The following KIF26B variants were observed in gnomAD, a reference collection of about 807,000 sequenced individuals.
The protein encoded by KIF26B is kinesin-like protein KIF26B.
A neutral mutation model predicts 151.2 loss-of-function variants in KIF26B; 63 were observed. The ratio of observed to expected loss-of-function variants is 0.42; its 90% CI spans 0.34 to 0.51. The LOEUF (loss-of-function observed/expected upper bound fraction) is 0.51. KIF26B is among the 20% of genes least tolerant of loss of function. The pLI is 0.07. For missense variants in KIF26B, 2,813 were observed against 2,913.6 expected (o/e 0.97, Z 0.79); for synonymous variants, 1,357 against 1,262.1 (o/e 1.08, Z -1.59).
At chr1:245,535,284 A>G (rs1433128518) in intron 4 of KIF26B, among the ~76,000 whole-genome samples, 1 of 152,232 alleles carries the variant, frequency 6.6e-6, no homozygotes, top group Non-Finnish European at 1.5e-5. Context: ...GATGTCAAAG[A>G]TAAAATGCTA....
intron 12 of KIF26B, among the ~76,000 whole-genome samples, chr1:245,690,292 G>A (rs2044607573): frequency 6.6e-6 from 1 of 152,312 alleles, no homozygotes; most frequent in East Asian, 1.9e-4. Context: ...CCCTCCCGCT[G>A]CCCTTCTGTG....
intron 3 of KIF26B, among the ~76,000 whole-genome samples, chr1:245,415,093 C>T (rs1163922192): frequency 3.3e-5 from 5 of 152,124 alleles, no homozygotes; most frequent in African/African-American, 1.2e-4. Flanking sequence ...AATGTTGTTT[C>T]CAATGTGCCT....
intron 5 of KIF26B, among the ~76,000 whole-genome samples, chr1:245,567,702 C>T (rs2043023212): frequency 6.6e-6 from 1 of 152,178 alleles, no homozygotes; most frequent in Non-Finnish European, 1.5e-5. Context: ...CCAAATGACT[C>T]CCATGAGCAG....
At chr1:245,657,164 A>G (rs911515625) in intron 10 of KIF26B, among the ~76,000 whole-genome samples, 19 of 152,116 alleles carry the variant, frequency 1.2e-4, no homozygotes, top group African/African-American at 4.6e-4. Flanking sequence ...TAGATTTGGC[A>G]GCCTCCCATT....
intron 3 of KIF26B, among the ~76,000 whole-genome samples, chr1:245,369,214 A>G (rs990783827): frequency 1.3e-5 from 2 of 151,982 alleles, no homozygotes; most frequent in African/African-American, 4.8e-5. Flanking sequence ...AGACAGACAG[A>G]CAGTTTAGTC....
chr1:245,587,671 C>A (rs1363148524), intron 5 of KIF26B, among the ~76,000 whole-genome samples: 2 of 152,188 alleles, frequency 1.3e-5, no homozygotes, highest in Admixed American at 1.3e-4. Context: ...GTAGGTTCAC[C>A]TTGAAGGCAA....
At chr1:245,681,499 G>A (rs757983319) in intron 10 of KIF26B, among the ~76,000 whole-genome samples, 29 of 152,106 alleles carry the variant, frequency 1.9e-4, no homozygotes, top group African/African-American at 4.1e-4. Context: ...ATGAGCCACC[G>A]CGCCCGGCCG....
intron 2 of KIF26B, among the ~76,000 whole-genome samples, chr1:245,308,807 G>A (rs986142458): frequency 6.6e-6 from 1 of 152,212 alleles, no homozygotes; most frequent in African/African-American, 2.4e-5. Flanking sequence ...AAGGTTAAGG[G>A]AAGATGAGGA....
At chr1:245,531,036 G>A (rs1661346681) in intron 4 of KIF26B, among the ~76,000 whole-genome samples, 1 of 152,138 alleles carries the variant, frequency 6.6e-6, no homozygotes, top group South Asian at 2.1e-4. Flanking sequence ...TCTTGTGGTG[G>A]TAGTAGTTGT....
At chr1:245,642,292 G>C (rs1196613452) in intron 9 of KIF26B, among the ~76,000 whole-genome samples, 1 of 152,106 alleles carries the variant, frequency 6.6e-6, no homozygotes, top group Non-Finnish European at 1.5e-5. Flanking sequence ...GAGGCTGATG[G>C]GCCTTTCTCA....
At position 245,601,138 on chromosome 1, in the gene KIF26B, T is replaced by C. The variant is rs1355087267; in HGVS notation, c.1351-1439T>C. On this transcript the variant is annotated intron_variant, in intron 5 of 14. Transcript: ENST00000407071. The surrounding 1 kb of genome is among the most constrained non-coding windows in gnomAD (Gnocchi z 4.4). ...TATGACCTCAGTGTGAGAAGCAAGATCTAAACCCTCAGAGGTAGAGTGCGT... is the reference window on the plus strand; with the variant it reads ...TATGACCTCAGTGTGAGAAGCAAGACCTAAACCCTCAGAGGTAGAGTGCGT... 6.6e-6 allele frequency among the ~76,000 whole-genome samples: 1 copy of C among 152,154 alleles called. No individual in the cohort carries two copies. Among genetic ancestry groups the C allele is most frequent in the Non-Finnish European group, 1.5e-5 (1 of 68,026 alleles).
At chr1:245,648,282 ATTATTT>A (rs1243680899) in intron 10 of KIF26B, among the ~76,000 whole-genome samples, 1 of 152,226 alleles carries the variant, frequency 6.6e-6, no homozygotes, top group African/African-American at 2.4e-5. Flanking sequence ...TAAACATGAA[ATTATTT>A]TTAATTTAAA....
chr1:245,547,045 A>T (rs138883458), intron 5 of KIF26B, among the ~76,000 whole-genome samples: 1 of 152,184 alleles, frequency 6.6e-6, no homozygotes, highest in Admixed American at 6.5e-5. Flanking sequence ...GCCTCTGGAC[A>T]GCACATGCGC....
At chr1:245,464,735 CTGA>C (rs1360924224) in intron 4 of KIF26B, among the ~76,000 whole-genome samples, 1 of 151,942 alleles carries the variant, frequency 6.6e-6, no homozygotes, top group Non-Finnish European at 1.5e-5. Flanking sequence ...TTTGACTGGA[CTGA>C]GGTTGTGGTA....
chr1:245,256,461 T>C (rs115685285), intron 2 of KIF26B, among the ~76,000 whole-genome samples: 2,057 of 152,288 alleles, frequency 0.014, 38 homozygotes, highest in African/African-American at 0.037. Context: ...GGTTAGCCCT[T>C]GAGGGCTGCA....
At chr1:245,277,949 G>A (rs9660396) in intron 2 of KIF26B, among the ~76,000 whole-genome samples, 32,093 of 151,884 alleles carry the variant, frequency 0.21, 3,648 homozygotes, top group African/African-American at 0.26. Flanking sequence ...AAATAATTTC[G>A]TCATAGGCTG....
At chr1:245,523,735 C>G (rs1290494929) in intron 4 of KIF26B, among the ~76,000 whole-genome samples, 3 of 152,284 alleles carry the variant, frequency 2.0e-5, no homozygotes, top group South Asian at 2.1e-4. Flanking sequence ...TCTCCAAATA[C>G]CATCATCTTG....
At chr1:245,534,341 T>G (rs1661442232) in intron 4 of KIF26B, among the ~76,000 whole-genome samples, 1 of 152,076 alleles carries the variant, frequency 6.6e-6, no homozygotes, top group African/African-American at 2.4e-5. Context: ...TTTTGTATTT[T>G]CAATAGAGAT....
intron 7 of KIF26B, 52 bp downstream of exon 7, chr1:245,607,796 C>T: frequency 1.4e-6 from 2 of 1,397,136 alleles, no homozygotes. Context: ...CCTGTCATCC[C>T]ATGCATTCCT....
Sources: gnomAD v4.1 joint callset for allele counts (sites outside exome capture counted in the v4.1 genomes callset) on GRCh38, gnomAD v4.1.1 for gene constraint, Gnocchi (gnomAD v3.1) non-coding constraint, MANE v1.5 for transcripts, NCBI Gene and HGNC (gene_info 2026-07-23, HGNC 2026-07-21) for gene names.